The following CSMD1 variants were observed in gnomAD, a reference collection of about 807,000 sequenced individuals.
The protein encoded by CSMD1 is CUB and sushi domain-containing protein 1.
A neutral mutation model predicts 417.5 loss-of-function variants in CSMD1; 213 were observed. The observed-to-expected ratio is 0.51, with a 90% CI of 0.46 to 0.57. CSMD1 has a LOEUF of 0.57. Among genes scored for constraint, CSMD1 ranks in the 20% least tolerant of loss-of-function variants. The pLI, the probability that CSMD1 is intolerant of heterozygous loss-of-function variation, is 0.00. For missense variants in CSMD1, 6,923 were observed against 4,529.7 expected, an observed-to-expected ratio of 1.53 and a Z score of -15.17; for synonymous variants, 2,862 against 1,736.8, an observed-to-expected ratio of 1.65 and a Z score of -16.11.
intron 37 of CSMD1, among the ~76,000 whole-genome samples, chr8:3,171,501 G>T (rs1040431512): frequency 6.6e-5 from 10 of 152,144 alleles, no homozygotes; most frequent in Non-Finnish European, 1.5e-5. Flanking sequence ...ATGAGTTGGT[G>T]GTTGGCTAAG....
At chr8:2,981,185 G>A (rs946403878) in intron 54 of CSMD1, among the ~76,000 whole-genome samples, 3 of 152,220 alleles carry the variant, frequency 2.0e-5, no homozygotes, top group Admixed American at 6.5e-5. Context: ...AAATGGGTGT[G>A]TTTTACTGTA....
chr8:4,777,783 G>A (rs1796941414), intron 1 of CSMD1, among the ~76,000 whole-genome samples: 1 of 152,192 alleles, frequency 6.6e-6, no homozygotes, highest in Non-Finnish European at 1.5e-5. Context: ...AGAAGTCAAA[G>A]AGTAAACATG....
intron 12 of CSMD1, among the ~76,000 whole-genome samples, chr8:3,443,927 T>A (rs925350616): frequency 1.3e-5 from 2 of 152,184 alleles, no homozygotes; most frequent in African/African-American, 2.4e-5. Flanking sequence ...GATATTCTAA[T>A]TCCACCTTTA....
In CSMD1 at chr8:3,797,610, C is replaced by G. The variant is rs184171707; in HGVS notation, c.819-43568G>C. 1.4e-3 allele frequency among the ~76,000 whole-genome samples: 217 copies of G among 151,992 alleles called. 1 individual carries two copies. The highest frequency in any genetic ancestry group is 4.9e-3 in the African/African-American group (205 of 41,528). ...ATGTTTTATGTTTCAGCAAGTCACA[C>G]TTTTTATTGTTGGGTAGTGTTCTTT... On this transcript the variant is annotated intron_variant, in intron 5 of 69. Transcript: ENST00000635120.
At chr8:4,643,180 A>G (rs1803311018) in intron 1 of CSMD1, among the ~76,000 whole-genome samples, 1 of 152,224 alleles carries the variant, frequency 6.6e-6, no homozygotes, top group Non-Finnish European at 1.5e-5. Context: ...TCCCGTTTGC[A>G]AAAAGCCCAG....
intron 3 of CSMD1, among the ~76,000 whole-genome samples, chr8:4,091,076 G>A (rs1341021116): frequency 2.6e-5 from 4 of 151,736 alleles, no homozygotes; most frequent in Admixed American, 1.3e-4. Flanking sequence ...CCACCACAAT[G>A]CCCAGCTAAT....
chr8:3,120,468 A>G (rs1817134261), intron 41 of CSMD1, among the ~76,000 whole-genome samples: 1 of 152,172 alleles, frequency 6.6e-6, no homozygotes, highest in Admixed American at 6.6e-5. Flanking sequence ...AATGTTAAGC[A>G]TTCCATAGAG....
chr8:4,989,490 T>G (rs932965324), intron 1 of CSMD1, among the ~76,000 whole-genome samples: 5 of 152,186 alleles, frequency 3.3e-5, no homozygotes, highest in African/African-American at 9.7e-5. Flanking sequence ...CTTCCTCTGA[T>G]TTGTTAGTTG....
chr8:3,387,381 C>A, intron 18 of CSMD1, 113 bp downstream of exon 18: 1 of 799,258 alleles, frequency 1.3e-6, no homozygotes, highest in African/African-American at 1.7e-5. Flanking sequence ...AGAGGGAACT[C>A]ACGCCAGTCG....
At chr8:4,673,834 G>C (rs1449965153) in intron 1 of CSMD1, among the ~76,000 whole-genome samples, 1 of 152,158 alleles carries the variant, frequency 6.6e-6, no homozygotes. Context: ...AAAAGCAATT[G>C]AGTGCTTGCC....
chr8:4,144,856 T>C (rs1212769226), intron 3 of CSMD1, among the ~76,000 whole-genome samples: 4 of 150,804 alleles, frequency 2.7e-5, no homozygotes, highest in Admixed American at 1.3e-4. Flanking sequence ...ACCAGGGGAA[T>C]TGTGTCCCTG....
At chr8:4,856,119 T>G (rs948442223) in intron 1 of CSMD1, among the ~76,000 whole-genome samples, 13 of 151,688 alleles carry the variant, frequency 8.6e-5, no homozygotes, top group African/African-American at 3.2e-4. Context: ...TCAACATTCT[T>G]AAAGACAAGA....
chr8:3,158,055 T>G, intron 38 of CSMD1, 89 bp from the exon 39 acceptor site: 1 of 1,096,480 alleles, frequency 9.1e-7, no homozygotes, highest in South Asian at 1.5e-5. Context: ...ATTTTTTCCT[T>G]TCTTGTTTTA....
At chr8:3,543,502 C>T (rs940570281) in intron 10 of CSMD1, among the ~76,000 whole-genome samples, 2 of 151,984 alleles carry the variant, frequency 1.3e-5, no homozygotes, top group Non-Finnish European at 2.9e-5. Context: ...TGGCAATTAA[C>T]TGTGGAAATG....
chr8:3,874,357 G>C (rs1353301243), intron 5 of CSMD1, among the ~76,000 whole-genome samples: 7 of 152,174 alleles, frequency 4.6e-5, no homozygotes, highest in African/African-American at 1.7e-4. Flanking sequence ...AAAATTGTCT[G>C]TATTTAGAAC....
intron 3 of CSMD1, among the ~76,000 whole-genome samples, chr8:4,261,704 C>G (rs925858297): frequency 1.3e-5 from 2 of 152,120 alleles, no homozygotes; most frequent in African/African-American, 2.4e-5. Flanking sequence ...GTCACCTCTT[C>G]TGGCTGAGAG....
chr8:4,484,416 GAC>G (rs1801259979), intron 2 of CSMD1, among the ~76,000 whole-genome samples: 1 of 152,092 alleles, frequency 6.6e-6, no homozygotes, highest in Admixed American at 6.5e-5. Flanking sequence ...AGAACCAGAA[GAC>G]ACAGAGAGGG....
chr8:3,602,562 A>T (rs1230590874), intron 8 of CSMD1, among the ~76,000 whole-genome samples: 1 of 152,112 alleles, frequency 6.6e-6, no homozygotes, highest in African/African-American at 2.4e-5. Context: ...AAGGTTGTTG[A>T]CACTCCTGAA....
At chr8:4,881,431 CTATCTATCTATCTATCTATCTATCTATCT>C (rs1257700929) in intron 1 of CSMD1, among the ~76,000 whole-genome samples, 2 of 45,668 alleles carry the variant, frequency 4.4e-5, no homozygotes, top group East Asian at 5.6e-3. Flanking sequence ...ATCTATCTAT[CTATCTATCTATCTATCTATCTATCTATCT>C]ATCTTGTCTC....
Sources: allele counts gnomAD v4.1 joint callset (sites outside exome capture counted in the v4.1 genomes callset), GRCh38; gene constraint gnomAD v4.1.1; transcripts MANE v1.5; gene names NCBI Gene and HGNC (gene_info 2026-07-23, HGNC 2026-07-21).